ATP10A: variants seen among roughly 807,000 people sequenced by gnomAD.
The protein encoded by ATP10A is ATPase phospholipid transporting 10A (putative).
In ATP10A, 111 loss-of-function variants were observed where a neutral mutation model predicts 147.8. The observed-to-expected ratio is 0.75, with a 90% CI of 0.64 to 0.88. The LOEUF (loss-of-function observed/expected upper bound fraction) is 0.88. ATP10A is among the 40% of genes least tolerant of loss of function. The pLI is 0.00. For synonymous variants in ATP10A, 875 were observed against 841.6 expected, an observed-to-expected ratio of 1.04 and a Z score of -0.69; for missense variants, 1,927 against 1,959.0, an observed-to-expected ratio of 0.98 and a Z score of 0.31.
chr15:25,707,045 C>A (rs1467263945), intron 12 of ATP10A, among the ~76,000 whole-genome samples: 1 of 152,200 alleles, frequency 6.6e-6, no homozygotes, highest in Non-Finnish European at 1.5e-5. Context: ...CCACTGGGCC[C>A]CTGGATCCCG....
rs574359394 is a variant in ATP10A at position 25,732,145 on chromosome 15, C to CATG, written c.740+3908_740+3910dup. Among the ~76,000 whole-genome samples the CATG allele has an allele frequency of 2.2e-4, 34 of 152,312 alleles. No homozygotes were observed. The South Asian group carries it at 5.8e-3, about 26-fold the overall frequency. On this transcript the variant is annotated intron_variant, in intron 3 of 20. Coordinates refer to ENST00000555815, the MANE Select transcript of ATP10A (RefSeq NM_024490.4). ...TCTAGGCCTCCCAAAGGATTACAGG[C>CATG]ATGAGCCACTGCACAGGCTAATTTT...
chr15:25,812,850 T>C (rs1485074604), intron 1 of ATP10A, among the ~76,000 whole-genome samples: 1 of 152,202 alleles, frequency 6.6e-6, no homozygotes, highest in African/African-American at 2.4e-5. Flanking sequence ...TAAGATAGAA[T>C]AAAAGTGCAG....
chr15:25,690,470 C>T (rs906324714), intron 15 of ATP10A, among the ~76,000 whole-genome samples: 5 of 152,168 alleles, frequency 3.3e-5, no homozygotes, highest in Admixed American at 2.0e-4. Context: ...AAACTCCTGG[C>T]CTCTGGTGAT....
chr15:25,784,441 GC>G, intron 1 of ATP10A, among the ~76,000 whole-genome samples: 1 of 152,324 alleles, frequency 6.6e-6, no homozygotes, highest in South Asian at 2.1e-4. Context: ...TAGCTTGCCT[GC>G]CCCATCCAGG....
intron 1 of ATP10A, among the ~76,000 whole-genome samples, chr15:25,822,531 G>A (rs1433805467): frequency 6.6e-6 from 1 of 152,090 alleles, no homozygotes; most frequent in African/African-American, 2.4e-5. Flanking sequence ...GGCTACATGA[G>A]GCAAGTAATA....
intron 1 of ATP10A, among the ~76,000 whole-genome samples, chr15:25,857,057 C>T (rs946459519): frequency 6.6e-6 from 1 of 152,180 alleles, no homozygotes; most frequent in African/African-American, 2.4e-5. Flanking sequence ...GAGTAGGCCT[C>T]ATTTATAGCT....
intron 1 of ATP10A, among the ~76,000 whole-genome samples, chr15:25,803,610 T>A (rs1891034541): frequency 6.6e-6 from 1 of 152,152 alleles, no homozygotes; most frequent in East Asian, 1.9e-4. Flanking sequence ...CAAGTATCCA[T>A]CACTAACACT....
chr15:25,814,264 G>C (rs985094466), intron 1 of ATP10A, among the ~76,000 whole-genome samples: 1 of 152,194 alleles, frequency 6.6e-6, no homozygotes, highest in African/African-American at 2.4e-5. Context: ...AAAACTGCCC[G>C]CCTAGAACTC....
chr15:25,773,851 CAT>C (rs1198372333), intron 2 of ATP10A, among the ~76,000 whole-genome samples: 63 of 146,686 alleles, frequency 4.3e-4, no homozygotes, highest in African/African-American at 1.5e-3. Flanking sequence ...CACACACACA[CAT>C]ATTCACTCAC....
downstream of ATP10A, among the ~76,000 whole-genome samples, chr15:25,673,294 C>T (rs1384150794): frequency 2.6e-5 from 4 of 152,204 alleles, no homozygotes; most frequent in African/African-American, 4.8e-5. Context: ...TACCCACTGT[C>T]ATGGACACTC....
chr15:25,713,214 G>A (rs142252057), intron 10 of ATP10A, among the ~76,000 whole-genome samples: 3,890 of 152,264 alleles, frequency 0.026, 78 homozygotes, highest in South Asian at 0.055. Flanking sequence ...GGGGGGCTCG[G>A]CCCTTCCCCT....
At chr15:25,831,522 T>G (rs1892355402) in intron 1 of ATP10A, among the ~76,000 whole-genome samples, 1 of 152,194 alleles carries the variant, frequency 6.6e-6, no homozygotes, top group Non-Finnish European at 1.5e-5. Flanking sequence ...CTTAGCAATA[T>G]CCTCATAATT....
chr15:25,712,693 C>T (rs1461926955), intron 10 of ATP10A, among the ~76,000 whole-genome samples: 2 of 152,212 alleles, frequency 1.3e-5, no homozygotes, highest in Non-Finnish European at 2.9e-5. Flanking sequence ...GGCAGAGCCA[C>T]TGCAGTGGGA....
At chr15:25,789,712 T>C (rs939540228) in intron 1 of ATP10A, among the ~76,000 whole-genome samples, 1 of 152,176 alleles carries the variant, frequency 6.6e-6, no homozygotes, top group South Asian at 2.1e-4. Flanking sequence ...AAGCCCAGAA[T>C]GCCAGCAACA....
chr15:25,693,263 T>C (rs908993732), intron 14 of ATP10A, among the ~76,000 whole-genome samples: 7 of 152,180 alleles, frequency 4.6e-5, no homozygotes, highest in African/African-American at 9.7e-5. Context: ...GCTCAAGTGA[T>C]CTTCCTGCCT....
At chr15:25,708,389 C>CGCAA in intron 10 of ATP10A, 89 bp from the exon 11 acceptor site, 2 of 1,149,234 alleles carry the variant, frequency 1.7e-6, no homozygotes, top group Non-Finnish European at 1.3e-6. Flanking sequence ...CACGTCTGTT[C>CGCAA]GTTACTTGCG....
intron 1 of ATP10A, among the ~76,000 whole-genome samples, chr15:25,859,759 G>A (rs1435048541): frequency 6.6e-6 from 1 of 152,154 alleles, no homozygotes; most frequent in Non-Finnish European, 1.5e-5. Context: ...CTCACAGAAA[G>A]GGGCCCAAGG....
rs545270228 is a variant in ATP10A, at chr15:25,705,230, C to T, written c.2575+2746G>A. On this transcript the variant is annotated intron_variant, in intron 12 of 20. Coordinates refer to ENST00000555815, the MANE Select transcript of ATP10A (RefSeq NM_024490.4). Reference sequence around the variant, plus strand: ...CTGAGGCAGGAGGATCACGTTAAACCAGGAGTTTGAGACAAGCCTGAGTGA... The same window carrying T: ...CTGAGGCAGGAGGATCACGTTAAACTAGGAGTTTGAGACAAGCCTGAGTGA... Among the ~76,000 whole-genome samples the T allele has an allele frequency of 1.5e-3, 230 of 152,038 alleles. 1 individual carries two copies. The highest frequency in any genetic ancestry group is 0.013 in the Admixed American group (198 of 15,278).
chr15:25,781,512 G>A (rs918888970), intron 1 of ATP10A, among the ~76,000 whole-genome samples: 2 of 152,022 alleles, frequency 1.3e-5, no homozygotes, highest in African/African-American at 2.4e-5. Context: ...AAAATTAGCC[G>A]GGTGCGGTGG....
Sources: gnomAD v4.1 joint callset for allele counts (sites outside exome capture counted in the v4.1 genomes callset) on GRCh38, gnomAD v4.1.1 for gene constraint, MANE v1.5 for transcripts, NCBI Gene and HGNC (gene_info 2026-07-23, HGNC 2026-07-21) for gene names.